Variants in SPOCK1 observed in about 807,000 individuals in gnomAD.
The protein encoded by SPOCK1 is SPARC (osteonectin), cwcv and kazal like domains proteoglycan 1.
A neutral mutation model predicts 55.3 loss-of-function variants in SPOCK1; 23 were observed. The observed-to-expected ratio is 0.42, with a 90% CI of 0.30 to 0.59. SPOCK1 has a LOEUF of 0.59. SPOCK1 is among the 20% of genes least tolerant of loss of function. The pLI is 0.22. For missense variants in SPOCK1, 499 were observed against 552.5 expected, an observed-to-expected ratio of 0.90 and a Z score of 0.97; for synonymous variants, 226 against 221.0, an observed-to-expected ratio of 1.02 and a Z score of -0.20.
At chr5:137,296,730 C>A (rs910682995) in intron 2 of SPOCK1, among the ~76,000 whole-genome samples, 2 of 152,098 alleles carry the variant, frequency 1.3e-5, no homozygotes, top group African/African-American at 4.8e-5. Flanking sequence ...AATTCATCAT[C>A]CCAGAGAGAC....
intron 6 of SPOCK1, among the ~76,000 whole-genome samples, chr5:137,017,917 C>T (rs1020622378): frequency 6.6e-6 from 1 of 152,218 alleles, no homozygotes; most frequent in Non-Finnish European, 1.5e-5. Flanking sequence ...GCCACAATTA[C>T]ATCCAAGCAA....
chr5:137,421,165 T>G (rs1314321734), intron 2 of SPOCK1, among the ~76,000 whole-genome samples: 7 of 152,198 alleles, frequency 4.6e-5, no homozygotes, highest in Non-Finnish European at 5.9e-5. Flanking sequence ...TGAGAGACAG[T>G]TTGTTATAAT....
chr5:137,335,522 A>G (rs1750243741), intron 2 of SPOCK1, among the ~76,000 whole-genome samples: 1 of 152,224 alleles, frequency 6.6e-6, no homozygotes, highest in Non-Finnish European at 1.5e-5. Context: ...TGCACCTATG[A>G]AATAATTGGC....
intron 6 of SPOCK1, among the ~76,000 whole-genome samples, chr5:137,040,923 C>T (rs1751984621): frequency 6.6e-6 from 1 of 152,126 alleles, no homozygotes; most frequent in African/African-American, 2.4e-5. Context: ...TAAAGGAGGG[C>T]CTACTGTGTA....
intron 3 of SPOCK1, among the ~76,000 whole-genome samples, chr5:137,223,151 G>A (rs1371448737): frequency 6.6e-6 from 1 of 152,118 alleles, no homozygotes; most frequent in East Asian, 1.9e-4. Context: ...TGGGCAGGAA[G>A]AGACTGAGGA....
At chr5:137,373,191 T>C (rs1054758543) in intron 2 of SPOCK1, among the ~76,000 whole-genome samples, 8 of 152,202 alleles carry the variant, frequency 5.3e-5, no homozygotes, top group Non-Finnish European at 5.9e-5. Flanking sequence ...TATTCTGTTA[T>C]AGCAGCACAA....
intron 4 of SPOCK1, among the ~76,000 whole-genome samples, chr5:137,130,441 C>T (rs1411272881): frequency 6.6e-6 from 1 of 152,208 alleles, no homozygotes; most frequent in Non-Finnish European, 1.5e-5. Context: ...AATTAATGAT[C>T]CATAACCCAC....
chr5:137,181,812 G>C (rs992155983), intron 3 of SPOCK1, among the ~76,000 whole-genome samples: 2 of 152,178 alleles, frequency 1.3e-5, no homozygotes, highest in Non-Finnish European at 2.9e-5. Flanking sequence ...AATCGGGCTG[G>C]GCAGATGCCT....
intron 3 of SPOCK1, among the ~76,000 whole-genome samples, chr5:137,192,766 C>A (rs1026913941): frequency 6.6e-6 from 1 of 152,172 alleles, no homozygotes; most frequent in East Asian, 1.9e-4. Flanking sequence ...CATGAACCAA[C>A]AACACGGAAA....
intron 2 of SPOCK1, chr5:137,365,431 C>T (rs1233854289): frequency 1.3e-5 from 2 of 152,232 alleles, no homozygotes; most frequent in African/African-American, 4.8e-5. Context: ...CCAGAACTGA[C>T]AGAAGCAGGT....
chr5:137,133,999 T>G (rs1330089880), intron 4 of SPOCK1, among the ~76,000 whole-genome samples: 1 of 151,578 alleles, frequency 6.6e-6, no homozygotes, highest in African/African-American at 2.4e-5. Context: ...CTAAGGGAAA[T>G]GTACATCAGG....
At chr5:137,167,098 T>C (rs747873890) in intron 3 of SPOCK1, among the ~76,000 whole-genome samples, 14 of 151,824 alleles carry the variant, frequency 9.2e-5, no homozygotes, top group Non-Finnish European at 1.9e-4. Context: ...AAGACACACA[T>C]AGACTGAAAA....
At chr5:137,479,184 C>A (rs1033431920) in intron 2 of SPOCK1, among the ~76,000 whole-genome samples, 2 of 151,812 alleles carry the variant, frequency 1.3e-5, no homozygotes, top group African/African-American at 4.8e-5. Flanking sequence ...TCTCAGGCAG[C>A]GAGCTTGTTT....
intron 2 of SPOCK1, among the ~76,000 whole-genome samples, chr5:137,273,151 C>T (rs1757002108): frequency 6.6e-6 from 1 of 152,198 alleles, no homozygotes; most frequent in Non-Finnish European, 1.5e-5. Context: ...CATACTTGTA[C>T]TGTAACTAAT....
At chr5:137,106,290 C>T (rs913674306) in intron 5 of SPOCK1, among the ~76,000 whole-genome samples, 1 of 152,158 alleles carries the variant, frequency 6.6e-6, no homozygotes, top group African/African-American at 2.4e-5. Flanking sequence ...GAAGCCTGGG[C>T]TGCCCAGGGT....
chr5:137,460,055 G>C (rs1391215759), intron 2 of SPOCK1, among the ~76,000 whole-genome samples: 2 of 152,234 alleles, frequency 1.3e-5, no homozygotes, highest in African/African-American at 4.8e-5. Flanking sequence ...GGGGCAGTAA[G>C]TAGGACTAAA....
At chr5:137,487,490 C>T (rs887137247) in intron 2 of SPOCK1, among the ~76,000 whole-genome samples, 2 of 152,172 alleles carry the variant, frequency 1.3e-5, no homozygotes, top group Non-Finnish European at 2.9e-5. Flanking sequence ...CAAGAGTAAA[C>T]ATTCTTTATT....
At chr5:137,356,624 TC>T (rs1253816198) in intron 2 of SPOCK1, among the ~76,000 whole-genome samples, 1 of 150,224 alleles carries the variant, frequency 6.7e-6, no homozygotes. Flanking sequence ...AACCCCTGTC[TC>T]TACTAAAATA....
chr5:137,482,658 G>C (rs143562322), intron 2 of SPOCK1, among the ~76,000 whole-genome samples: 28 of 152,246 alleles, frequency 1.8e-4, no homozygotes, highest in African/African-American at 6.5e-4. Context: ...GAATTCAGGG[G>C]ACCGGGTCAT....
Sources: allele counts gnomAD v4.1 joint callset (sites outside exome capture counted in the v4.1 genomes callset), GRCh38; gene constraint gnomAD v4.1.1; transcripts MANE v1.5; gene names NCBI Gene and HGNC (gene_info 2026-07-23, HGNC 2026-07-21).